ARFGEF1: variants seen among roughly 807,000 people sequenced by gnomAD.
ARFGEF1 encodes brefeldin A-inhibited guanine nucleotide-exchange protein 1.
In ARFGEF1, 42 loss-of-function variants were observed where a neutral mutation model predicts 231.0. That is an observed-to-expected ratio of 0.18 (90% CI 0.14 to 0.24). The LOEUF is 0.24. Ranked by LOEUF, ARFGEF1 falls within the 10% of genes least tolerant of loss-of-function variation. The pLI is 1.00. For missense variants in ARFGEF1, 1,345 were observed against 2,192.0 expected (o/e 0.61, Z 7.72); for synonymous variants, 710 against 732.3 (o/e 0.97, Z 0.49).
intron 17 of ARFGEF1, among the ~76,000 whole-genome samples, chr8:67,254,977 A>G (rs1411239875): frequency 6.6e-6 from 1 of 152,214 alleles, no homozygotes; most frequent in Non-Finnish European, 1.5e-5. Flanking sequence ...CAGGAATAAC[A>G]AAATAAAAGA....
intron 5 of ARFGEF1, among the ~76,000 whole-genome samples, chr8:67,189,799 T>C (rs547981054): frequency 6.6e-6 from 1 of 152,302 alleles, no homozygotes; most frequent in South Asian, 2.1e-4. Context: ...AAGTAACTAA[T>C]GGTGATTCTA....
chr8:67,248,098 T>C (rs1177109699), intron 19 of ARFGEF1, among the ~76,000 whole-genome samples: 2 of 149,146 alleles, frequency 1.3e-5, no homozygotes, highest in Non-Finnish European at 3.0e-5. Context: ...AAGCAATCTA[T>C]AGAATACCAT....
Position 67,271,876 on chromosome 8 carries a change from A to G in ARFGEF1, c.1398T>C (p.Asn466=). ...CATTTGTCCTGAAAATAGGTCCTGC[A>G]TTCTGCAGAATGGATAGAAGTAACT... ...SLQLLLSILQ[N]AGPIFRTNEM... is the part of the protein sequence containing the mutation. The change falls in exon 10 of 39, where the codon AAT becomes AAC. Residue 466 remains asparagine (N), a synonymous_variant. Transcript: ENST00000262215. 3.7e-6 allele frequency: 6 copies of G among 1,613,764 alleles called. No homozygotes were observed. The highest frequency in any genetic ancestry group is 1.1e-5 in the South Asian group (1 of 91,014).
intron 14 of ARFGEF1, among the ~76,000 whole-genome samples, chr8:67,265,591 A>C (rs2290587): frequency 6.6e-6 from 1 of 152,152 alleles, no homozygotes; most frequent in Non-Finnish European, 1.5e-5. Context: ...AATGAAATCA[A>C]TAACAAGAAT....
intron 10 of ARFGEF1, among the ~76,000 whole-genome samples, chr8:67,269,571 G>A (rs1215516446): frequency 1.3e-5 from 2 of 151,858 alleles, no homozygotes; most frequent in East Asian, 1.9e-4. Context: ...GGCTAGTCTC[G>A]AACTCCTGAC....
At chr8:67,336,083 A>G (rs113426840) in intron 1 of ARFGEF1, among the ~76,000 whole-genome samples, 97 of 152,368 alleles carry the variant, frequency 6.4e-4, no homozygotes, top group African/African-American at 2.1e-3. Context: ...TCTGAATGAA[A>G]AGATAACATA....
intron 20 of ARFGEF1, among the ~76,000 whole-genome samples, chr8:67,239,095 C>T (rs1415538838): frequency 6.6e-6 from 1 of 152,044 alleles, no homozygotes; most frequent in African/African-American, 2.4e-5. Context: ...CGACCTCCGC[C>T]TCCCAGGTTC....
intron 23 of ARFGEF1, among the ~76,000 whole-genome samples, chr8:67,231,158 T>A (rs904971497): frequency 7.2e-5 from 11 of 152,174 alleles, no homozygotes; most frequent in African/African-American, 2.6e-4. Flanking sequence ...AGTTGGGTAA[T>A]GGACCAAAGT....
intron 1 of ARFGEF1, among the ~76,000 whole-genome samples, chr8:67,342,441 T>C (rs572086073): frequency 1.1e-3 from 175 of 152,284 alleles, no homozygotes; most frequent in African/African-American, 4.1e-3. Flanking sequence ...GTCTTTTTCA[T>C]TTTCCTCATT....
intron 19 of ARFGEF1, among the ~76,000 whole-genome samples, chr8:67,240,501 T>C (rs898899660): frequency 4.1e-4 from 63 of 152,166 alleles, no homozygotes; most frequent in Non-Finnish European, 1.5e-4. Context: ...TAGAGGACCT[T>C]AGGCATATTT....
At chr8:67,267,306 A>G in intron 11 of ARFGEF1, 37 bp downstream of exon 11, 4 of 1,585,964 alleles carry the variant, frequency 2.5e-6, no homozygotes, top group Non-Finnish European at 3.4e-6. Context: ...ATATCTAATA[A>G]TAAGAAAGAG....
chr8:67,226,038 C>T lies in ARFGEF1; in HGVS notation c.4062G>A (p.Val1354=), dbSNP rs560082289. The T allele has an allele frequency of 8.8e-5, 141 of 1,608,140 alleles. No individual in the cohort carries two copies. In the South Asian group the frequency reaches 1.5e-3, roughly 17 times the overall value. ...IRLIRHCAKY[V]SDRPQAFKEY... ...GACGCTATACCTGAGGTCTATCAGA[C>T]ACATATTTTGCACAATGGCGAATAA... Residue 1354 remains valine (V), a synonymous_variant, in exon 28 of 39, where the codon GTG becomes GTA. Coordinates refer to ENST00000262215, the MANE Select transcript of ARFGEF1 (RefSeq NM_006421.5).
At chr8:67,224,756 T>C (rs147536885) in intron 29 of ARFGEF1, 147 bp downstream of exon 29, 11,020 of 442,524 alleles carry the variant, frequency 0.025, 186 homozygotes, top group Admixed American at 0.05. Context: ...CATATTAACA[T>C]ATTTTAAAAT....
In ARFGEF1 at chr8:67,267,237, C is replaced by G. The variant is rs1038659962; in HGVS notation, c.1673-7G>C. On this transcript the variant is annotated splice_region_variant and splice_polypyrimidine_tract_variant and intron_variant, in intron 11 of 38. Transcript: ENST00000262215. ...TCCACTACACTCTGAGCATCTGTAA[C>G]AATATAACATTAATTTCAACAAAGT... is the stretch of plus-strand genomic sequence containing the variant. 4 of 1,610,426 alleles carry G rather than the reference C, an allele frequency of 2.5e-6. No homozygotes were observed. In the African/African-American group the frequency reaches 4.0e-5, roughly 16 times the overall value.
At chr8:67,176,526 AG>A (rs1365360749) in intron 5 of ARFGEF1, among the ~76,000 whole-genome samples, 2 of 152,214 alleles carry the variant, frequency 1.3e-5, no homozygotes, top group African/African-American at 4.8e-5. Flanking sequence ...TTCTAGGATA[AG>A]CAGTAGGTAT....
chr8:67,305,511 T>C (rs985485466), intron 1 of ARFGEF1, among the ~76,000 whole-genome samples: 2 of 152,038 alleles, frequency 1.3e-5, no homozygotes, highest in African/African-American at 2.4e-5. Flanking sequence ...CCACACCTAG[T>C]TAATTTTGTA....
chr8:67,287,266 C>T (rs1389302691), intron 7 of ARFGEF1, among the ~76,000 whole-genome samples: 3 of 152,134 alleles, frequency 2.0e-5, no homozygotes, highest in Non-Finnish European at 1.5e-5. Context: ...TGGTAGGTGC[C>T]TACATAACAG....
chr8:67,277,549 A>C (rs757371507), intron 7 of ARFGEF1, 92 bp from the exon 8 acceptor site: 23 of 1,232,602 alleles, frequency 1.9e-5, no homozygotes, highest in Non-Finnish European at 2.6e-5. Flanking sequence ...AAACAGTGGC[A>C]GGAAAGCAAT....
chr8:67,229,577 A>T (rs1296809404), intron 23 of ARFGEF1, among the ~76,000 whole-genome samples: 2 of 152,074 alleles, frequency 1.3e-5, no homozygotes, highest in African/African-American at 4.8e-5. Flanking sequence ...ATCTGGCAGA[A>T]AACACAATCT....
Sources: allele counts gnomAD v4.1 joint callset (sites outside exome capture counted in the v4.1 genomes callset), GRCh38; gene constraint gnomAD v4.1.1; transcripts MANE v1.5; gene names NCBI Gene and HGNC (gene_info 2026-07-23, HGNC 2026-07-21).